NTRK3: variants seen among roughly 807,000 people sequenced by gnomAD.
NTRK3 encodes neurotrophic receptor tyrosine kinase 3, also known as NT-3 growth factor receptor.
NTRK3 carries 24 observed loss-of-function variants against 91.7 expected under a neutral mutation model. That is an observed-to-expected ratio of 0.26 (90% CI 0.19 to 0.37). NTRK3 has a LOEUF of 0.37. Among genes scored for constraint, NTRK3 ranks in the 10% least tolerant of loss-of-function variants. The probability of loss-of-function intolerance (pLI) is 1.00; values close to 1 mark genes in which losing one functional copy is unlikely to be tolerated. For missense variants in NTRK3, 880 were observed against 1,068.9 expected (o/e 0.82, Z 2.46); for synonymous variants, 483 against 404.0 (o/e 1.20, Z -2.34).
intron 14 of NTRK3, among the ~76,000 whole-genome samples, chr15:88,011,964 G>A (rs2076911617): frequency 1.3e-5 from 2 of 151,974 alleles, no homozygotes; most frequent in Admixed American, 6.6e-5. Flanking sequence ...TAACACACAC[G>A]AAGACCCAGT....
In NTRK3 at chr15:87,971,502, T is replaced by C. The variant is rs117531949; in HGVS notation, c.1586-30749A>G. Among the ~76,000 whole-genome samples the C allele has an allele frequency of 3.4e-4, 52 of 152,362 alleles. 2 individuals carry two copies. The East Asian group carries it at 0.01, about 29-fold the overall frequency. On this transcript the variant is annotated intron_variant, in intron 14 of 18. Coordinates refer to ENST00000394480, the Ensembl canonical transcript of NTRK3. ...TAATAGGCTAGATTTAGTTAGTATC[T>C]AGCCAGTACTCTGGAATGTTCCTTC...
rs186303888 is a variant in NTRK3, at chr15:88,230,013, T to C, written c.248+25893A>G. Among the ~76,000 whole-genome samples the C allele has an allele frequency of 3.7e-3, 565 of 152,338 alleles. 3 individuals carry two copies. Among genetic ancestry groups the C allele is most frequent in the African/African-American group, 0.013 (530 of 41,578 alleles). On this transcript the variant is annotated intron_variant, in intron 3 of 18. Coordinates refer to ENST00000394480, the Ensembl canonical transcript of NTRK3. ...AGTCCAGAGAGACCATAGACTGTCA[T>C]CTGTAACTTGTAGGGGTGTGAGCGT...
chr15:87,876,850 A>G, exon 19 of NTRK3: 1 of 1,455,248 alleles, frequency 6.9e-7, no homozygotes. Context: ...TCAGTCAAGG[A>G]TGGAAGGAGT....
chr15:87,943,441 C>G (rs182936308), intron 14 of NTRK3, among the ~76,000 whole-genome samples: 26 of 152,194 alleles, frequency 1.7e-4, no homozygotes, highest in African/African-American at 6.3e-4. Flanking sequence ...CCATGCAGTG[C>G]AGATCATGCC....
intron 13 of NTRK3, among the ~76,000 whole-genome samples, chr15:88,060,933 G>A (rs1480569718): frequency 1.3e-5 from 2 of 151,614 alleles, no homozygotes; most frequent in Admixed American, 6.6e-5. Context: ...ATCAGACAAG[G>A]GTTGTCTGAT....
intron 5 of NTRK3, among the ~76,000 whole-genome samples, chr15:88,169,756 C>G (rs2045335964): frequency 6.6e-6 from 1 of 152,194 alleles, no homozygotes; most frequent in Non-Finnish European, 1.5e-5. Context: ...TCTCTCACTG[C>G]CAGGCATCTG....
chr15:88,018,109 C>T (rs1056665607), intron 14 of NTRK3, among the ~76,000 whole-genome samples: 16 of 152,318 alleles, frequency 1.1e-4, no homozygotes, highest in African/African-American at 3.8e-4. Context: ...GATCCAAGGA[C>T]TTCTGCTCTT....
At chr15:88,229,448 C>A (rs932082946) in intron 3 of NTRK3, among the ~76,000 whole-genome samples, 1 of 152,156 alleles carries the variant, frequency 6.6e-6, no homozygotes, top group African/African-American at 2.4e-5. Flanking sequence ...ATCCACTTTA[C>A]TAAATCTTCC....
At chr15:87,959,159 A>C (rs1398908913) in intron 14 of NTRK3, among the ~76,000 whole-genome samples, 1 of 152,046 alleles carries the variant, frequency 6.6e-6, no homozygotes, top group Non-Finnish European at 1.5e-5. Context: ...AGCCTAGCAC[A>C]CTGTTTCAGT....
intron 13 of NTRK3, among the ~76,000 whole-genome samples, chr15:88,101,013 A>G (rs908831970): frequency 1.3e-5 from 2 of 152,234 alleles, no homozygotes; most frequent in African/African-American, 2.4e-5. Context: ...AAAATTGACA[A>G]ATGGGATCTA....
chr15:88,093,803 C>G (rs1252232577), intron 13 of NTRK3, among the ~76,000 whole-genome samples: 1 of 152,018 alleles, frequency 6.6e-6, no homozygotes, highest in Non-Finnish European at 1.5e-5. Context: ...GTAACACTCT[C>G]TGTGGGCCTC....
intron 3 of NTRK3, among the ~76,000 whole-genome samples, chr15:88,214,088 A>G (rs1411086599): frequency 5.7e-5 from 8 of 141,170 alleles, no homozygotes; most frequent in African/African-American, 2.6e-4. Context: ...CAAAAAAGAA[A>G]AAAAAAACAA....
intron 14 of NTRK3, among the ~76,000 whole-genome samples, chr15:87,945,542 C>T (rs2070376286): frequency 6.6e-6 from 1 of 152,148 alleles, no homozygotes; most frequent in Non-Finnish European, 1.5e-5. Flanking sequence ...CCTGAGAGGT[C>T]AGTGGGCAGG....
chr15:88,129,078 G>C (rs536807452), intron 10 of NTRK3, among the ~76,000 whole-genome samples: 13 of 152,322 alleles, frequency 8.5e-5, no homozygotes, highest in African/African-American at 3.1e-4. Flanking sequence ...AGGACCCAAA[G>C]TGCTGGGAAT....
At chr15:88,009,663 A>T (rs962907760) in intron 14 of NTRK3, among the ~76,000 whole-genome samples, 1 of 152,190 alleles carries the variant, frequency 6.6e-6, no homozygotes, top group African/African-American at 2.4e-5. Flanking sequence ...CAACCTGTCT[A>T]TCTTCCAGGA....
chr15:87,993,099 C>T (rs2075413168), intron 14 of NTRK3, among the ~76,000 whole-genome samples: 2 of 152,174 alleles, frequency 1.3e-5, no homozygotes, highest in Non-Finnish European at 2.9e-5. Flanking sequence ...ATCTTAACAT[C>T]AATGCCTCCT....
chr15:87,960,714 G>T (rs1261593422), intron 14 of NTRK3, among the ~76,000 whole-genome samples: 1 of 152,000 alleles, frequency 6.6e-6, no homozygotes, highest in Non-Finnish European at 1.5e-5. Flanking sequence ...TGAACTCCCG[G>T]CCTCAAAGAA....
chr15:87,923,921 A>T (rs1167770050), intron 17 of NTRK3, among the ~76,000 whole-genome samples: 1 of 152,124 alleles, frequency 6.6e-6, no homozygotes, highest in Non-Finnish European at 1.5e-5. Context: ...ACACAGCAAG[A>T]AGGCCCTCAC....
At chr15:87,942,838 G>C (rs1457209797) in intron 14 of NTRK3, among the ~76,000 whole-genome samples, 1 of 152,176 alleles carries the variant, frequency 6.6e-6, no homozygotes, top group Non-Finnish European at 1.5e-5. Flanking sequence ...AATGTAGGCT[G>C]TGTTTTGGCA....
Sources: allele counts gnomAD v4.1 joint callset (sites outside exome capture counted in the v4.1 genomes callset), GRCh38; gene constraint gnomAD v4.1.1; transcripts MANE v1.5; gene names NCBI Gene and HGNC (gene_info 2026-07-23, HGNC 2026-07-21).